The following ADK variants were observed in gnomAD, a reference collection of about 807,000 sequenced individuals.
ADK encodes N6,N6-dimethyladenosine kinase.
A neutral mutation model predicts 44.7 loss-of-function variants in ADK; 24 were observed. The ratio of observed to expected loss-of-function variants is 0.54; its 90% CI spans 0.39 to 0.76. The LOEUF is 0.76. Among genes scored for constraint, ADK ranks in the 30% least tolerant of loss-of-function variants. The pLI is 0.00. For missense variants in ADK, 321 were observed against 425.1 expected (o/e 0.76, Z 2.15); for synonymous variants, 128 against 142.6 (o/e 0.90, Z 0.73).
At chr10:74,409,623 A>G (rs1189443758) in intron 6 of ADK, among the ~76,000 whole-genome samples, 2 of 152,016 alleles carry the variant, frequency 1.3e-5, no homozygotes, top group African/African-American at 4.8e-5. Flanking sequence ...TGTCTTGACC[A>G]CTTATATCTG....
intron 4 of ADK, among the ~76,000 whole-genome samples, chr10:74,345,496 C>T (rs994554483): frequency 9.9e-5 from 15 of 152,030 alleles, no homozygotes; most frequent in South Asian, 6.2e-4. Flanking sequence ...TTTGCAGAGA[C>T]GAGGTCTCAC....
At chr10:74,612,265 C>T (rs1272209624) in intron 9 of ADK, among the ~76,000 whole-genome samples, 1 of 151,920 alleles carries the variant, frequency 6.6e-6, no homozygotes, top group Non-Finnish European at 1.5e-5. Flanking sequence ...TGTATGTTCC[C>T]ATTTTTAAAA....
chr10:74,587,132 C>G (rs990263067), intron 7 of ADK, among the ~76,000 whole-genome samples: 2 of 152,054 alleles, frequency 1.3e-5, no homozygotes, highest in African/African-American at 4.8e-5. Flanking sequence ...TCTAGTATAG[C>G]TTTTTTGTTG....
chr10:74,706,318 T>C (rs1244117996), intron 10 of ADK, among the ~76,000 whole-genome samples: 1 of 152,154 alleles, frequency 6.6e-6, no homozygotes. Flanking sequence ...AGTTCATACT[T>C]TTTACCTCTT....
chr10:74,409,926 A>G (rs879257784), intron 6 of ADK, among the ~76,000 whole-genome samples: 2 of 152,130 alleles, frequency 1.3e-5, no homozygotes, highest in Non-Finnish European at 2.9e-5. Context: ...ATGAGTAACA[A>G]TTTTTCTTAG....
intron 1 of ADK, among the ~76,000 whole-genome samples, chr10:74,188,581 T>C (rs576742375): frequency 6.6e-6 from 1 of 152,190 alleles, no homozygotes; most frequent in South Asian, 2.1e-4. Context: ...CTCCATCTCC[T>C]GACCTCGTGA....
intron 6 of ADK, among the ~76,000 whole-genome samples, chr10:74,469,039 T>A (rs1846459667): frequency 6.6e-6 from 1 of 152,098 alleles, no homozygotes; most frequent in African/African-American, 2.4e-5. Flanking sequence ...ATACATATCA[T>A]AAAATTTCCC....
intron 3 of ADK, among the ~76,000 whole-genome samples, chr10:74,275,711 T>C (rs565140570): frequency 6.6e-6 from 1 of 152,158 alleles, no homozygotes; most frequent in Admixed American, 6.6e-5. Flanking sequence ...CAGGCTGGAG[T>C]GCAGTGGCAC....
At chr10:74,514,915 C>T (rs937419932) in intron 6 of ADK, among the ~76,000 whole-genome samples, 1 of 152,118 alleles carries the variant, frequency 6.6e-6, no homozygotes. Context: ...GCCTCTACCT[C>T]GTATGCTCGA....
At position 74,676,901 on chromosome 10, in the gene ADK, C is replaced by G. The variant is rs181956219; in HGVS notation, c.964+6632C>G. On this transcript the variant is annotated intron_variant, in intron 10 of 10. Coordinates refer to ENST00000539909, the MANE Select transcript of ADK (RefSeq NM_006721.4). ...ATGACTCTGAAAACCACTCAGCAAT[C>G]ACAATGCAAATAATTCTCCTATTTC... is the stretch of plus-strand genomic sequence containing the variant. Among the ~76,000 whole-genome samples, 8 of 152,242 alleles carry G rather than the reference C, an allele frequency of 5.3e-5. No homozygotes were observed. The East Asian group carries it at 1.2e-3, about 22-fold the overall frequency.
chr10:74,298,690 T>C lies in ADK; in HGVS notation c.195-15977T>C, dbSNP rs568387294. Among the ~76,000 whole-genome samples the C allele has an allele frequency of 4.6e-5, 7 of 152,174 alleles. No homozygotes were observed. In the South Asian group the frequency reaches 1.2e-3, roughly 27 times the overall value. On this transcript the variant is annotated intron_variant, in intron 3 of 10. Transcript: ENST00000539909. The stretch of plus-strand genomic sequence containing the variant: ...AGAGGTGAAGGTGGGAGAATCCACT[T>C]GAGCCCTGGAGTTTAAATTCAGCCT...
intron 3 of ADK, among the ~76,000 whole-genome samples, chr10:74,285,352 A>G (rs1365276709): frequency 6.6e-6 from 1 of 152,226 alleles, no homozygotes; most frequent in Non-Finnish European, 1.5e-5. Context: ...TAGTCTTTGT[A>G]CAGAGATATA....
Position 74,379,725 on chromosome 10 carries a change from A to T in ADK, c.274-14416A>T, listed in dbSNP as rs1401926851. On this transcript the variant is annotated intron_variant, in intron 4 of 10. Coordinates refer to ENST00000539909, the MANE Select transcript of ADK (RefSeq NM_006721.4). ...TTTGCATGTTTCACGTCTCAGTTTA[A>T]ATGTCCTTTTGTCTATTTAAAATAT... Among the ~76,000 whole-genome samples the T allele has an allele frequency of 2.6e-5, 4 of 152,174 alleles. No individual in the cohort carries two copies. The East Asian group carries it at 7.7e-4, about 29-fold the overall frequency.
chr10:74,470,264 A>T (rs889332533), intron 6 of ADK, among the ~76,000 whole-genome samples: 2 of 151,958 alleles, frequency 1.3e-5, no homozygotes, highest in African/African-American at 2.4e-5. Context: ...ACCTCAGGTG[A>T]TCCGCCTTCC....
chr10:74,189,224 C>T (rs1194280139), intron 1 of ADK, among the ~76,000 whole-genome samples: 1 of 152,112 alleles, frequency 6.6e-6, no homozygotes, highest in Non-Finnish European at 1.5e-5. Context: ...GTCCACAGGT[C>T]ATTTAGAAGT....
chr10:74,493,401 A>G (rs549103112), intron 6 of ADK, among the ~76,000 whole-genome samples: 100 of 148,952 alleles, frequency 6.7e-4, no homozygotes, highest in Admixed American at 1.4e-3. Context: ...ACATACATAC[A>G]TACACACATC....
intron 3 of ADK, among the ~76,000 whole-genome samples, chr10:74,234,683 A>C (rs1042644094): frequency 7.2e-5 from 11 of 152,184 alleles, no homozygotes; most frequent in African/African-American, 9.6e-5. Context: ...CATATTGATG[A>C]ATGGTAATCT....
chr10:74,316,551 A>G (rs1840627652), intron 4 of ADK, among the ~76,000 whole-genome samples: 1 of 152,128 alleles, frequency 6.6e-6, no homozygotes, highest in Non-Finnish European at 1.5e-5. Context: ...GGCATTTCCC[A>G]TTCTTGCTGC....
At chr10:74,359,931 T>G (rs1360793802) in intron 4 of ADK, among the ~76,000 whole-genome samples, 1 of 152,180 alleles carries the variant, frequency 6.6e-6, no homozygotes, top group African/African-American at 2.4e-5. Context: ...CTTGATTTCT[T>G]TTTCAGGTTG....
Sources: gnomAD v4.1 joint callset for allele counts (sites outside exome capture counted in the v4.1 genomes callset) on GRCh38, gnomAD v4.1.1 for gene constraint, MANE v1.5 for transcripts, NCBI Gene and HGNC (gene_info 2026-07-23, HGNC 2026-07-21) for gene names.